PKHD1: variants seen among roughly 807,000 people sequenced by gnomAD.
The protein encoded by PKHD1 is fibrocystin.
In PKHD1, 291 loss-of-function variants were observed where a neutral mutation model predicts 412.0. The observed-to-expected ratio is 0.71, with a 90% confidence interval of 0.64 to 0.78. PKHD1 has a LOEUF of 0.78. Ranked by LOEUF, PKHD1 falls within the 30% of genes least tolerant of loss-of-function variation. The probability of loss-of-function intolerance (pLI) is 0.00; values close to 1 mark genes in which losing one functional copy is unlikely to be tolerated. For missense variants in PKHD1, 4,825 were observed against 4,950.7 expected, an observed-to-expected ratio of 0.97 and a Z score of 0.76; for synonymous variants, 1,777 against 1,821.5, an observed-to-expected ratio of 0.98 and a Z score of 0.62.
intron 36 of PKHD1, among the ~76,000 whole-genome samples, chr6:51,949,789 G>A (rs1217217428): frequency 6.6e-6 from 1 of 152,062 alleles, no homozygotes; most frequent in Admixed American, 6.6e-5. Flanking sequence ...GGGGGCAAAG[G>A]GAATGGACTC....
chr6:51,893,821 G>C (rs529715722), intron 43 of PKHD1, among the ~76,000 whole-genome samples: 1 of 152,316 alleles, frequency 6.6e-6, no homozygotes, highest in African/African-American at 2.4e-5. Flanking sequence ...GAAAGCTTGA[G>C]AACTGAGGTT....
chr6:51,949,551 A>G (rs899454998), intron 36 of PKHD1, among the ~76,000 whole-genome samples: 4 of 152,202 alleles, frequency 2.6e-5, no homozygotes, highest in Admixed American at 6.5e-5. Context: ...TTTGTTGGCA[A>G]GATCCGGATT....
At chr6:51,928,727 A>C (rs1316014574) in intron 37 of PKHD1, among the ~76,000 whole-genome samples, 3 of 152,146 alleles carry the variant, frequency 2.0e-5, no homozygotes, top group Non-Finnish European at 4.4e-5. Context: ...AGGAAGTCCC[A>C]ATAACCATAG....
intron 60 of PKHD1, among the ~76,000 whole-genome samples, chr6:51,695,681 G>A (rs149278893): frequency 1.3e-4 from 20 of 152,268 alleles, no homozygotes; most frequent in African/African-American, 4.8e-4. Context: ...TGAAAATGAT[G>A]ACTGATGGCT....
intron 52 of PKHD1, among the ~76,000 whole-genome samples, chr6:51,799,393 G>A (rs147467997): frequency 6.6e-6 from 1 of 152,088 alleles, no homozygotes; most frequent in African/African-American, 2.4e-5. Flanking sequence ...ACATGAGTAA[G>A]TCATGTTTCC....
chr6:51,807,497 G>A (rs1420698353), intron 52 of PKHD1, among the ~76,000 whole-genome samples: 5 of 144,912 alleles, frequency 3.5e-5, no homozygotes, highest in African/African-American at 7.6e-5. Context: ...GTGTGTGTGT[G>A]TGTGTGTGTG....
At chr6:51,792,855 G>C (rs546620670) in intron 52 of PKHD1, among the ~76,000 whole-genome samples, 5 of 152,226 alleles carry the variant, frequency 3.3e-5, no homozygotes, top group Non-Finnish European at 5.9e-5. Flanking sequence ...ACACTCCAGT[G>C]ACACCCTGTA....
chr6:52,082,511 A>T lies in PKHD1; in HGVS notation c.162T>A (p.Asn54Lys). The stretch of plus-strand genomic sequence containing the variant: ...CCAGGTGTATCTCCAATTGAGAGCC[A>T]TTGTTGGGGTAAAGAACACCCAACT... ...GLELGVLYPN[N>K]GSQLEIHLVN... Residue 54 changes from asparagine (N) to lysine (K), a missense_variant, in exon 4 of 67, where the codon AAT (asparagine) becomes AAA (lysine). By Grantham distance (94) the Asn-to-Lys change is moderately conservative. Transcript: ENST00000371117. 3 of 1,614,162 alleles carry T rather than the reference A, an allele frequency of 1.9e-6. No individual in the cohort carries two copies. The highest frequency in any genetic ancestry group is 8.5e-7 in the Non-Finnish European group (1 of 1,179,986).
rs113845259 is a variant in PKHD1, at chr6:52,016,310, G to A, written c.5600+1100C>T. On this transcript the variant is annotated intron_variant, in intron 34 of 66. Coordinates refer to ENST00000371117, the MANE Select transcript of PKHD1 (RefSeq NM_138694.4). ...AAAAGAGCTGGTTATCTCTTTCACC[G>A]TGGGGAAGTGGTCTTGTTTAGTTTC... Among the ~76,000 whole-genome samples the A allele has an allele frequency of 4.6e-3, 705 of 152,230 alleles. 6 individuals carry two copies. Among genetic ancestry groups the A allele is most frequent in the African/African-American group, 0.016 (661 of 41,536 alleles).
intron 60 of PKHD1, among the ~76,000 whole-genome samples, chr6:51,702,890 ATTTTTT>A (rs11447702): frequency 7.2e-6 from 1 of 138,262 alleles, no homozygotes; most frequent in Non-Finnish European, 1.6e-5. Flanking sequence ...TCAGAAATCA[ATTTTTT>A]TTTTTTTTTT....
At chr6:51,914,441 T>C (rs1783463618) in intron 37 of PKHD1, among the ~76,000 whole-genome samples, 1 of 152,130 alleles carries the variant, frequency 6.6e-6, no homozygotes, top group Non-Finnish European at 1.5e-5. Flanking sequence ...TTAATGAGTG[T>C]TGGCCTCATA....
intron 52 of PKHD1, among the ~76,000 whole-genome samples, chr6:51,812,806 C>A (rs1443535345): frequency 6.6e-6 from 1 of 152,084 alleles, no homozygotes; most frequent in Non-Finnish European, 1.5e-5. Context: ...GAAATGTTTG[C>A]CATCTATTAC....
intron 55 of PKHD1, among the ~76,000 whole-genome samples, chr6:51,770,125 T>A (rs1470005737): frequency 6.6e-6 from 1 of 151,788 alleles, no homozygotes; most frequent in East Asian, 1.9e-4. Flanking sequence ...TTTACCTTTT[T>A]TAACCTAATT....
intron 46 of PKHD1, among the ~76,000 whole-genome samples, chr6:51,881,574 A>G (rs1777368405): frequency 6.6e-6 from 1 of 152,208 alleles, no homozygotes; most frequent in African/African-American, 2.4e-5. Flanking sequence ...GAACATTGGT[A>G]TGAACACTAA....
chr6:51,947,863 G>T (rs1469967658), intron 36 of PKHD1, among the ~76,000 whole-genome samples: 1 of 152,062 alleles, frequency 6.6e-6, no homozygotes, highest in Admixed American at 6.6e-5. Flanking sequence ...CTACTTGGAT[G>T]TCTCATAGTT....
chr6:52,084,184 T>C (rs2128245834), intron 2 of PKHD1, among the ~76,000 whole-genome samples: 1 of 152,320 alleles, frequency 6.6e-6, no homozygotes, highest in South Asian at 2.1e-4. Flanking sequence ...ACCGACAGAA[T>C]TATTTATAGT....
At chr6:51,699,237 T>C (rs1779139069) in intron 60 of PKHD1, among the ~76,000 whole-genome samples, 1 of 152,190 alleles carries the variant, frequency 6.6e-6, no homozygotes, top group African/African-American at 2.4e-5. Context: ...CCCCTTACAG[T>C]AATACCCTCA....
At chr6:51,830,689 T>C (rs898768768) in intron 52 of PKHD1, among the ~76,000 whole-genome samples, 172 bp downstream of exon 52, 3 of 152,136 alleles carry the variant, frequency 2.0e-5, no homozygotes, top group Non-Finnish European at 2.9e-5. Flanking sequence ...ATTTCACTGG[T>C]CTATGAAATT....
intron 34 of PKHD1, among the ~76,000 whole-genome samples, chr6:52,016,063 C>A (rs1009850935): frequency 6.6e-6 from 1 of 152,160 alleles, no homozygotes; most frequent in Non-Finnish European, 1.5e-5. Flanking sequence ...CTGACATGTA[C>A]TTCCTGGTGT....
Sources: allele counts gnomAD v4.1 joint callset (sites outside exome capture counted in the v4.1 genomes callset), GRCh38; gene constraint gnomAD v4.1.1; transcripts MANE v1.5; gene names NCBI Gene and HGNC (gene_info 2026-07-23, HGNC 2026-07-21).